MYO10: variants seen among roughly 807,000 people sequenced by gnomAD.
The protein encoded by MYO10 is unconventional myosin-X.
MYO10 carries 133 observed loss-of-function variants against 257.3 expected under a neutral mutation model. The observed-to-expected ratio is 0.52, with a 90% CI of 0.45 to 0.60. MYO10 has a LOEUF of 0.60. MYO10 is among the 20% of genes least tolerant of loss of function. The pLI is 0.00. For synonymous variants in MYO10, 1,104 were observed against 1,028.6 expected, an observed-to-expected ratio of 1.07 and a Z score of -1.40; for missense variants, 2,399 against 2,635.7, an observed-to-expected ratio of 0.91 and a Z score of 1.97.
chr5:16,864,418 A>ATGATTT (rs1744187261), intron 2 of MYO10, among the ~76,000 whole-genome samples: 1 of 152,144 alleles, frequency 6.6e-6, no homozygotes, highest in Non-Finnish European at 1.5e-5. Context: ...ACACACACAC[A>ATGATTT]TGATACAGGT....
At chr5:16,904,355 GC>G (rs1307539127) in intron 1 of MYO10, among the ~76,000 whole-genome samples, 1 of 152,176 alleles carries the variant, frequency 6.6e-6, no homozygotes, top group Admixed American at 6.5e-5. Context: ...AGTTCTGTGA[GC>G]TGCTCCAGCA....
chr5:16,804,419 T>C (rs1472548331), intron 3 of MYO10, among the ~76,000 whole-genome samples: 1 of 151,328 alleles, frequency 6.6e-6, no homozygotes, highest in Non-Finnish European at 1.5e-5. Flanking sequence ...CCAAAGGGAG[T>C]GGGGGAAGGG....
Position 16,889,460 on chromosome 5 carries a change from G to A in MYO10, c.22-11753C>T, listed in dbSNP as rs540642372. On this transcript the variant is annotated intron_variant, in intron 1 of 40. Transcript: ENST00000513610. ...AAGGAAAGGAAAGGAAAGAAGGAAG[G>A]GGAAGGGAAGAAAAGAAAGAAGGAA... is the stretch of plus-strand genomic sequence containing the variant. Among the ~76,000 whole-genome samples the A allele has an allele frequency of 4.9e-4, 71 of 145,810 alleles. 1 individual carries two copies. Among genetic ancestry groups the A allele is most frequent in the Non-Finnish European group, 8.7e-4 (58 of 66,922 alleles).
In MYO10 at chr5:16,677,006, C is replaced by G. The variant is rs574888823; in HGVS notation, c.4543-852G>C. 3.3e-5 allele frequency among the ~76,000 whole-genome samples: 5 copies of G among 152,316 alleles called. No homozygotes were observed. In the South Asian group the frequency reaches 1.0e-3, roughly 32 times the overall value. ...TCTCTCTATACCTGAAAACTACACA[C>G]ATTAATATATTCTTGGGGAGACTGT... On this transcript the variant is annotated intron_variant, in intron 33 of 40. Coordinates refer to ENST00000513610, the MANE Select transcript of MYO10 (RefSeq NM_012334.3).
At chr5:16,858,888 G>A (rs184094082) in intron 2 of MYO10, among the ~76,000 whole-genome samples, 17 of 152,268 alleles carry the variant, frequency 1.1e-4, no homozygotes, top group Admixed American at 9.2e-4. Flanking sequence ...AACCCGGGAG[G>A]TGGAGGTGGC....
chr5:16,717,382 G>A (rs1357387947), intron 19 of MYO10, among the ~76,000 whole-genome samples: 3 of 152,148 alleles, frequency 2.0e-5, no homozygotes, highest in Non-Finnish European at 2.9e-5. Context: ...CATTCCCAGT[G>A]GCAATCCGTC....
At chr5:16,706,388 G>A (rs901294115) in intron 21 of MYO10, among the ~76,000 whole-genome samples, 2 of 152,132 alleles carry the variant, frequency 1.3e-5, no homozygotes, top group African/African-American at 4.8e-5. Flanking sequence ...AAGATGTTCA[G>A]AAATACAGAA....
At chr5:16,744,029 A>T (rs982833412) in intron 19 of MYO10, among the ~76,000 whole-genome samples, 3 of 152,188 alleles carry the variant, frequency 2.0e-5, no homozygotes, top group African/African-American at 7.2e-5. Flanking sequence ...ATTAATGTTA[A>T]AAATCAAGAT....
At chr5:16,762,693 G>A (rs1422707554) in intron 14 of MYO10, 56 bp from the exon 15 acceptor site, 8 of 1,320,178 alleles carry the variant, frequency 6.1e-6, no homozygotes, top group African/African-American at 1.5e-5. Context: ...GGGTGCATGG[G>A]TAGCTCATGC....
At position 16,666,748 on chromosome 5, in the gene MYO10, C is replaced by T. The variant is rs917965262; in HGVS notation, c.6121G>A (p.Val2041Met). Residue 2041 changes from valine (V) to methionine (M), a missense_variant, in exon 41 of 41, where the codon GTG becomes ATG. Transcript: ENST00000513610. ...CGTGTCGTGCTGTAGCGCTTCTTCACGATCATGCTGATGTAGGCTTTCATG... is the reference window on the plus strand; with the variant it reads ...CGTGTCGTGCTGTAGCGCTTCTTCATGATCATGCTGATGTAGGCTTTCATG... ...KLMKAYISMIVKKRYSTTRSA... is the reference protein window; with the variant it reads ...KLMKAYISMIMKKRYSTTRSA... The T allele has an allele frequency of 4.4e-6, 7 of 1,608,268 alleles. No homozygotes were observed. The highest frequency in any genetic ancestry group is 3.4e-5 in the Admixed American group (2 of 59,616).
At chr5:16,683,695 C>G (rs1413475932) in intron 30 of MYO10, among the ~76,000 whole-genome samples, 185 bp downstream of exon 30, 2 of 152,198 alleles carry the variant, frequency 1.3e-5, no homozygotes, top group Admixed American at 1.3e-4. Flanking sequence ...GAGAAGGAGA[C>G]TTCCAGGTGA....
At chr5:16,821,036 T>C (rs905437749) in intron 2 of MYO10, among the ~76,000 whole-genome samples, 21 of 147,616 alleles carry the variant, frequency 1.4e-4, no homozygotes, top group African/African-American at 5.1e-4. Context: ...TTATGTAAGA[T>C]GTTTATATAC....
intron 4 of MYO10, among the ~76,000 whole-genome samples, chr5:16,788,085 G>C (rs1224963592): frequency 6.6e-6 from 1 of 152,136 alleles, no homozygotes. Flanking sequence ...TGAGCCACCA[G>C]GCCCCAAAGA....
chr5:16,702,489 G>C (rs1205163694), intron 24 of MYO10, 54 bp downstream of exon 24: 6 of 1,490,524 alleles, frequency 4.0e-6, no homozygotes, highest in East Asian at 2.4e-5. Context: ...CCAAGCATTA[G>C]AAGTGGGAAG....
intron 1 of MYO10, among the ~76,000 whole-genome samples, chr5:16,885,257 C>T (rs1396727968): frequency 6.6e-6 from 1 of 151,918 alleles, no homozygotes; most frequent in Non-Finnish European, 1.5e-5. Context: ...CAGACACAGC[C>T]TGTCCACTGT....
intron 21 of MYO10, 48 bp downstream of exon 21, chr5:16,710,860 G>C (rs531507171): frequency 6.6e-7 from 1 of 1,506,464 alleles, no homozygotes; most frequent in Non-Finnish European, 9.1e-7. Flanking sequence ...GCATCACCCC[G>C]AGATCTGTCA....
Position 16,668,483 on chromosome 5 carries a change from T to C in MYO10, c.5884-15A>G, listed in dbSNP as rs770124179. On this transcript the variant is annotated splice_polypyrimidine_tract_variant and intron_variant, in intron 39 of 40. Coordinates refer to ENST00000513610, the MANE Select transcript of MYO10 (RefSeq NM_012334.3). ...CCTTCCTTGCACTGGTGGGCAAGAG[T>C]CAACAGAAGAGTTAAGTCATGAAGT... is the stretch of plus-strand genomic sequence containing the variant. The C allele has an allele frequency of 3.0e-5, 48 of 1,584,076 alleles. No homozygotes were observed. Among genetic ancestry groups the C allele is most frequent in the Admixed American group, 5.5e-5 (3 of 54,312 alleles).
chr5:16,719,950 G>A (rs561183682), intron 19 of MYO10, among the ~76,000 whole-genome samples: 5 of 152,076 alleles, frequency 3.3e-5, no homozygotes, highest in Admixed American at 3.3e-4. Flanking sequence ...GGCAATAAGA[G>A]TGAAACTCGG....
chr5:16,745,591 G>A (rs7730593), intron 19 of MYO10, among the ~76,000 whole-genome samples: 3,686 of 152,032 alleles, frequency 0.024, 154 homozygotes, highest in East Asian at 0.13. Flanking sequence ...TGGGAGGCTG[G>A]GGCAGGAGAT....
Sources: gnomAD v4.1 joint callset for allele counts (sites outside exome capture counted in the v4.1 genomes callset) on GRCh38, gnomAD v4.1.1 for gene constraint, MANE v1.5 for transcripts, NCBI Gene and HGNC (gene_info 2026-07-23, HGNC 2026-07-21) for gene names.